The following DACH1 variants were observed in gnomAD, a reference collection of about 807,000 sequenced individuals.
The protein encoded by DACH1 is dachshund homolog 1.
Under a neutral mutation model 54.2 loss-of-function variants are expected in DACH1, and 12 were observed. The ratio of observed to expected loss-of-function variants is 0.22; its 90% CI spans 0.14 to 0.36. The LOEUF (loss-of-function observed/expected upper bound fraction) is 0.36, where lower values mean the gene tolerates loss of function less well. Ranked by LOEUF, DACH1 falls within the 10% of genes least tolerant of loss-of-function variation. The probability of loss-of-function intolerance (pLI) is 1.00; values close to 1 mark genes in which losing one functional copy is unlikely to be tolerated. For missense variants in DACH1, 805 were observed against 929.8 expected (o/e 0.87, Z 1.75); for synonymous variants, 386 against 366.2 (o/e 1.05, Z -0.62).
chr13:71,501,835 T>C (rs1004223864), intron 6 of DACH1, among the ~76,000 whole-genome samples: 4 of 152,192 alleles, frequency 2.6e-5, no homozygotes, highest in African/African-American at 4.8e-5. Context: ...TTAAATGCTT[T>C]GCATGCACTG....
At chr13:71,551,631 CTTGAT>C (rs1883823507) in intron 6 of DACH1, among the ~76,000 whole-genome samples, 1 of 152,022 alleles carries the variant, frequency 6.6e-6, no homozygotes, top group Non-Finnish European at 1.5e-5. Flanking sequence ...AAGACTCAAT[CTTGAT>C]TTAAGTTAGG....
intron 1 of DACH1, among the ~76,000 whole-genome samples, chr13:71,824,982 T>C (rs575771122): frequency 2.6e-5 from 4 of 152,088 alleles, no homozygotes; most frequent in Admixed American, 2.0e-4. Flanking sequence ...ACCCAAATAA[T>C]GAAGTCTTAA....
At chr13:71,785,081 T>C (rs960946827) in intron 1 of DACH1, among the ~76,000 whole-genome samples, 9 of 152,178 alleles carry the variant, frequency 5.9e-5, no homozygotes, top group Admixed American at 2.0e-4. Context: ...AATTTGTTTC[T>C]TATTTTCAAT....
chr13:71,686,306 A>G (rs1015432545), intron 1 of DACH1, among the ~76,000 whole-genome samples: 5 of 152,140 alleles, frequency 3.3e-5, no homozygotes, highest in Admixed American at 1.3e-4. Flanking sequence ...CCCAAACACT[A>G]GGGAACTCAC....
chr13:71,807,525 A>G (rs1887555315), intron 1 of DACH1, among the ~76,000 whole-genome samples: 1 of 152,098 alleles, frequency 6.6e-6, no homozygotes, highest in Non-Finnish European at 1.5e-5. Context: ...GAGAGAAAAC[A>G]GAGTGTGTGG....
chr13:71,552,834 T>G (rs866099544), intron 6 of DACH1, among the ~76,000 whole-genome samples: 382 of 33,032 alleles, frequency 0.012, 2 homozygotes, highest in Middle Eastern at 0.019. Context: ...TATATATATA[T>G]ATATATATAG....
chr13:71,559,728 A>G, intron 5 of DACH1, 92 bp downstream of exon 5: 2 of 1,498,420 alleles, frequency 1.3e-6, no homozygotes, highest in Admixed American at 3.5e-5. Flanking sequence ...GATCCATCTG[A>G]GATCTATTTG....
intron 10 of DACH1, among the ~76,000 whole-genome samples, chr13:71,441,636 T>C (rs1874015191): frequency 1.3e-5 from 2 of 152,018 alleles, no homozygotes; most frequent in South Asian, 4.1e-4. Flanking sequence ...GTCTGGTAAC[T>C]GGAAGAATTA....
intron 1 of DACH1, among the ~76,000 whole-genome samples, chr13:71,798,110 G>A (rs1887131752): frequency 6.6e-6 from 1 of 151,812 alleles, no homozygotes; most frequent in Non-Finnish European, 1.5e-5. Flanking sequence ...AATAAAAATA[G>A]GTATAGAAAA....
intron 3 of DACH1, among the ~76,000 whole-genome samples, chr13:71,603,188 T>C (rs1242438496): frequency 2.0e-5 from 3 of 151,996 alleles, no homozygotes; most frequent in Admixed American, 6.6e-5. Flanking sequence ...TTTTTTGACA[T>C]ATTGGATTAA....
rs114323224 is a variant in DACH1 at position 71,482,006 on chromosome 13, A to T, written c.1723-2690T>A. ...AAAACGATAGAAGGTTTAAAGCATG[A>T]TTTTTTCTCCAAGGGGAGGATGGTT... On this transcript the variant is annotated intron_variant, in intron 7 of 10. Coordinates refer to ENST00000613252, the MANE Select transcript of DACH1 (RefSeq NM_080759.6). 5.4e-3 allele frequency among the ~76,000 whole-genome samples: 821 copies of T among 152,276 alleles called. 2 individuals are homozygous for T. Among genetic ancestry groups the T allele is most frequent in the African/African-American group, 0.018 (766 of 41,542 alleles).
intron 1 of DACH1, among the ~76,000 whole-genome samples, chr13:71,819,898 C>G (rs965572854): frequency 1.3e-5 from 2 of 151,772 alleles, no homozygotes; most frequent in Non-Finnish European, 2.9e-5. Context: ...ACAAAGGGTA[C>G]TCGGGGGAGA....
At chr13:71,711,814 GT>G (rs1426824878) in intron 1 of DACH1, among the ~76,000 whole-genome samples, 1 of 152,028 alleles carries the variant, frequency 6.6e-6, no homozygotes, top group African/African-American at 2.4e-5. Flanking sequence ...CATGAGGAAT[GT>G]TTTTGATACT....
intron 1 of DACH1, among the ~76,000 whole-genome samples, chr13:71,838,939 G>A (rs77133197): frequency 0.069 from 10,425 of 152,150 alleles, 1,090 homozygotes; most frequent in East Asian, 0.57. Context: ...TTTTTATTCA[G>A]TGGTATTTTT....
intron 3 of DACH1, among the ~76,000 whole-genome samples, chr13:71,578,852 GGT>G (rs1885695616): frequency 6.6e-6 from 1 of 151,800 alleles, no homozygotes; most frequent in Non-Finnish European, 1.5e-5. Flanking sequence ...GGAGGTTCTG[GGT>G]AAAAAAAGAA....
intron 6 of DACH1, among the ~76,000 whole-genome samples, chr13:71,550,542 A>G (rs1883746012): frequency 6.6e-6 from 1 of 152,296 alleles, no homozygotes; most frequent in Non-Finnish European, 1.5e-5. Context: ...ATTATAGTCT[A>G]TATTTTATAC....
chr13:71,691,787 T>A lies in DACH1; in HGVS notation c.849-9877A>T, dbSNP rs113873472. Among the ~76,000 whole-genome samples the A allele has an allele frequency of 4.6e-3, 703 of 152,256 alleles. 7 individuals carry two copies. The highest frequency in any genetic ancestry group is 0.016 in the African/African-American group (669 of 41,536). ...GAAATAACAACAAAATACTATACCT[T>A]CCCTCAAGTAGCTCATGGTCTATTT... is the stretch of plus-strand genomic sequence containing the variant. On this transcript the variant is annotated intron_variant, in intron 1 of 10. Coordinates refer to ENST00000613252, the MANE Select transcript of DACH1 (RefSeq NM_080759.6).
chr13:71,597,304 C>T (rs1310014253), intron 3 of DACH1, among the ~76,000 whole-genome samples: 1 of 152,172 alleles, frequency 6.6e-6, no homozygotes, highest in East Asian at 1.9e-4. Flanking sequence ...GCTGGCTTAA[C>T]TTGGCCATTG....
At chr13:71,808,606 C>G (rs1887598741) in intron 1 of DACH1, among the ~76,000 whole-genome samples, 1 of 152,104 alleles carries the variant, frequency 6.6e-6, no homozygotes, top group East Asian at 1.9e-4. Flanking sequence ...GTTCCCTATT[C>G]TGTTCAAGGT....
Sources: gnomAD v4.1 joint callset for allele counts (sites outside exome capture counted in the v4.1 genomes callset) on GRCh38, gnomAD v4.1.1 for gene constraint, MANE v1.5 for transcripts, NCBI Gene and HGNC (gene_info 2026-07-23, HGNC 2026-07-21) for gene names.